The following HOPX variants were observed in gnomAD, a reference collection of about 807,000 sequenced individuals.
The protein encoded by HOPX is HOP homeobox.
HOPX carries 5 observed loss-of-function variants against 11.8 expected under a neutral mutation model. The ratio of observed to expected loss-of-function variants is 0.43; its 90% CI spans 0.22 to 0.89. The LOEUF (loss-of-function observed/expected upper bound fraction) is 0.89, where lower values mean the gene tolerates loss of function less well. Among genes scored for constraint, HOPX ranks in the 40% least tolerant of loss-of-function variants. The probability of loss-of-function intolerance (pLI) is 0.28; values close to 1 mark genes in which losing one functional copy is unlikely to be tolerated. For missense variants in HOPX, 119 were observed against 120.0 expected (o/e 0.99, Z 0.04); for synonymous variants, 49 against 49.7 (o/e 0.99, Z 0.06).
At chr4:56,666,224 G>T (rs1377479169) in intron 1 of HOPX, among the ~76,000 whole-genome samples, 1 of 152,214 alleles carries the variant, frequency 6.6e-6, no homozygotes, top group Non-Finnish European at 1.5e-5. Flanking sequence ...TTGAAAGATG[G>T]CATTATGTGA....
intron 3 of HOPX, chr4:56,651,272 T>G (rs1717142173): frequency 6.5e-6 from 1 of 153,028 alleles, no homozygotes; most frequent in Admixed American, 6.5e-5. Flanking sequence ...AACTGAGCCC[T>G]AACATTGGGG....
intron 1 of HOPX, chr4:56,663,068 T>C (rs1287865863): frequency 6.6e-6 from 1 of 152,242 alleles, no homozygotes; most frequent in African/African-American, 2.4e-5. Context: ...GGATCTCTCC[T>C]TTCAAGTTTT....
chr4:56,677,963 C>G (rs181726105), intron 1 of HOPX, among the ~76,000 whole-genome samples: 1 of 151,732 alleles, frequency 6.6e-6, no homozygotes, highest in East Asian at 1.9e-4. Flanking sequence ...TCTACTTATG[C>G]CAGATATTAA....
At chr4:56,658,833 A>G (rs1226715166) in intron 1 of HOPX, among the ~76,000 whole-genome samples, 1 of 152,164 alleles carries the variant, frequency 6.6e-6, no homozygotes, top group Non-Finnish European at 1.5e-5. Flanking sequence ...TCAAGGAGTA[A>G]TTTGTCCTGT....
intron 1 of HOPX, among the ~76,000 whole-genome samples, chr4:56,668,851 A>T (rs1044699157): frequency 1.3e-5 from 2 of 152,234 alleles, no homozygotes; most frequent in South Asian, 4.1e-4. Context: ...TTCATTTCTA[A>T]CGCCTCCACT....
chr4:56,656,249 T>C (rs1352719726), intron 2 of HOPX: 1 of 1,161,896 alleles, frequency 8.6e-7, no homozygotes. Flanking sequence ...GAGCCTAGCG[T>C]CCTGCGCCTC....
chr4:56,654,679 G>C (rs569678076), intron 3 of HOPX, among the ~76,000 whole-genome samples: 21 of 152,330 alleles, frequency 1.4e-4, no homozygotes, highest in South Asian at 6.2e-4. Context: ...TCTCCAAAGA[G>C]TGCCTCTGGC....
chr4:56,650,816 C>T (rs1238716761), intron 3 of HOPX: 1 of 1,541,574 alleles, frequency 6.5e-7, no homozygotes. Flanking sequence ...CACTACCCTT[C>T]ATGAGAAGAG....
rs1024624432 is a variant in HOPX at position 56,648,382 on chromosome 4, T to C, written c.*338A>G. 2 of 217,296 alleles carry C rather than the reference T, an allele frequency of 9.2e-6. No homozygotes were observed. Among genetic ancestry groups the C allele is most frequent in the Non-Finnish European group, 1.8e-5 (2 of 110,964 alleles). 13.5% of individuals were successfully genotyped at this position (217,296 alleles called of 1,614,324 possible). On this transcript the variant is annotated 3_prime_UTR_variant, in exon 4 of 4. Coordinates refer to ENST00000420433, the MANE Select transcript of HOPX (RefSeq NM_032495.6). ...TTCAACAGAGGCCTGGATTGCTAAATGGATTATGAAAGCAAATTGCTACTG... is the reference window on the plus strand; with the variant it reads ...TTCAACAGAGGCCTGGATTGCTAAACGGATTATGAAAGCAAATTGCTACTG...
At position 56,657,797 on chromosome 4, in the gene HOPX, C is replaced by G. The variant is rs1717856611; in HGVS notation, c.20G>C (p.Cys7Ser). ...TACCTCTTCCAGTCTTCTTCTGTAA[C>G]AGCCCAGGAAAATGAGCATAGGAAG... is the stretch of plus-strand genomic sequence containing the variant. The part of the protein sequence containing the change: MLIFLG[C>S]YRRRLEERAG... Residue 7 changes from cysteine to serine, a missense_variant, in exon 2 of 4, where the codon TGT (cysteine) becomes TCT (serine). By Grantham distance (112) the Cys-to-Ser change is moderately radical. Coordinates refer to ENST00000420433, the MANE Select transcript of HOPX (RefSeq NM_032495.6). 7.3e-7 allele frequency: 1 copy of G among 1,363,642 alleles called. No homozygotes were observed. Among genetic ancestry groups the G allele is most frequent in the Non-Finnish European group, 1.0e-6 (1 of 975,404 alleles). 84.5% of individuals were successfully genotyped at this position (1,363,642 alleles called of 1,614,324 possible). A position where few individuals can be genotyped will look rare whatever the true frequency, so the allele number is the denominator to read the frequency against.
intron 1 of HOPX, chr4:56,681,045 C>T: frequency 1.0e-6 from 1 of 985,324 alleles, no homozygotes; most frequent in Non-Finnish European, 1.2e-6. Flanking sequence ...TCCCCTCGAC[C>T]CCATGCAGTT....
chr4:56,666,425 C>T (rs1718446243), intron 1 of HOPX, among the ~76,000 whole-genome samples: 1 of 152,176 alleles, frequency 6.6e-6, no homozygotes. Context: ...CTTTCTGTAG[C>T]CGCTTACTGA....
At chr4:56,678,767 CTTTT>C (rs1357967233) in intron 1 of HOPX, 1 of 150,402 alleles carries the variant, frequency 6.6e-6, no homozygotes, top group Non-Finnish European at 1.5e-5. Context: ...TTTTTTTTTT[CTTTT>C]TTAAGTTCTC....
intron 1 of HOPX, among the ~76,000 whole-genome samples, chr4:56,658,965 C>T (rs529612622): frequency 5.3e-5 from 8 of 152,286 alleles, no homozygotes; most frequent in African/African-American, 1.9e-4. Context: ...GTTGGGTCAA[C>T]CCAATGGTTC....
At position 56,655,925 on chromosome 4, in the gene HOPX, T is replaced by C. The variant is rs1466197935; in HGVS notation, c.130A>G (p.Lys44Glu). ...ILEYNFNKVD[K>E]HPDSTTLCLI... ...CACAGCGTGGTGGAATCCGGGTGCT[T>C]GTCGACCTTGTTGAAGTTGTACTCC... The change falls in exon 3 of 4, where the codon AAG becomes GAG. Residue 44 changes from lysine (K) to glutamate (E), a missense_variant. Coordinates refer to ENST00000420433, the MANE Select transcript of HOPX (RefSeq NM_032495.6). The C allele has an allele frequency of 1.2e-6, 2 of 1,611,888 alleles. No homozygotes were observed. Among genetic ancestry groups the C allele is most frequent in the African/African-American group, 2.7e-5 (2 of 74,922 alleles).
At chr4:56,675,905 C>T (rs936108717) in intron 1 of HOPX, among the ~76,000 whole-genome samples, 3 of 151,710 alleles carry the variant, frequency 2.0e-5, no homozygotes, top group African/African-American at 7.3e-5. Context: ...CAGGTTACTG[C>T]TTTATAAACC....
At chr4:56,649,829 C>G (rs1716988649) in intron 3 of HOPX, 1 of 152,162 alleles carries the variant, frequency 6.6e-6, no homozygotes, top group Non-Finnish European at 1.5e-5. Flanking sequence ...GGGATAGGGC[C>G]AGGGTCTGGA....
chr4:56,667,771 G>T (rs1718519652), intron 1 of HOPX, among the ~76,000 whole-genome samples: 1 of 152,084 alleles, frequency 6.6e-6, no homozygotes, highest in South Asian at 2.1e-4. Flanking sequence ...CCTGCATTTT[G>T]CTAATCCCTA....
intron 1 of HOPX, among the ~76,000 whole-genome samples, chr4:56,669,172 A>C (rs1718593097): frequency 6.6e-6 from 1 of 152,298 alleles, no homozygotes; most frequent in African/African-American, 2.4e-5. Flanking sequence ...CCTCATCAAC[A>C]GTTTGCTGAT....
Sources: gnomAD v4.1 joint callset for allele counts (sites outside exome capture counted in the v4.1 genomes callset) on GRCh38, gnomAD v4.1.1 for gene constraint, MANE v1.5 for transcripts, NCBI Gene and HGNC (gene_info 2026-07-23, HGNC 2026-07-21) for gene names.